SRRM4: variants seen among roughly 807,000 people sequenced by gnomAD.
SRRM4 encodes serine/arginine repetitive matrix 4, also known as serine/arginine repetitive matrix protein 4.
SRRM4 carries 33 observed loss-of-function variants against 68.9 expected under a neutral mutation model. The observed-to-expected ratio is 0.48, with a 90% CI of 0.36 to 0.64. The LOEUF (loss-of-function observed/expected upper bound fraction) is 0.64. Among genes scored for constraint, SRRM4 ranks in the 30% least tolerant of loss-of-function variants. The probability of loss-of-function intolerance (pLI) is 0.00; values close to 1 mark genes in which losing one functional copy is unlikely to be tolerated. For missense variants in SRRM4, 817 were observed against 827.1 expected (o/e 0.99, Z 0.15); for synonymous variants, 318 against 318.8 (o/e 1.00, Z 0.03).
Position 119,159,362 on chromosome 12 carries a change from A to C in SRRM4, c.*2564A>C, listed in dbSNP as rs1306756213. The stretch of plus-strand genomic sequence containing the variant: ...TGGGGGTTGGAGTCGAAAGTTGGCA[A>C]ATGGGGCCAAGGCTGCACAAAGTCG... On this transcript the variant is annotated 3_prime_UTR_variant, in exon 13 of 13. Coordinates refer to ENST00000267260, the MANE Select transcript of SRRM4 (RefSeq NM_194286.4). 6.6e-6 allele frequency: 1 copy of C among 152,434 alleles called. No homozygotes were observed. Among genetic ancestry groups the C allele is most frequent in the Non-Finnish European group, 1.5e-5 (1 of 68,254 alleles). The allele number at this position is 152,434 out of a possible 1,614,324, so 9.4% of individuals were successfully genotyped here. A position where few individuals can be genotyped will look rare whatever the true frequency, so the allele number is the denominator to read the frequency against.
At chr12:119,146,543 A>G in intron 9 of SRRM4, among the ~76,000 whole-genome samples, 1 of 151,748 alleles carries the variant, frequency 6.6e-6, no homozygotes, top group East Asian at 2.0e-4. Flanking sequence ...CTGAGATTGT[A>G]CCATTGCACT....
chr12:119,081,906 G>A (rs1429584570), intron 1 of SRRM4, among the ~76,000 whole-genome samples: 2 of 111,710 alleles, frequency 1.8e-5, no homozygotes, highest in African/African-American at 3.3e-5. Context: ...TGCCATTAAC[G>A]GAGATGATGA....
chr12:119,155,083 G>T (rs920512620), intron 12 of SRRM4, among the ~76,000 whole-genome samples: 14 of 152,286 alleles, frequency 9.2e-5, no homozygotes, highest in African/African-American at 3.1e-4. Flanking sequence ...AAATGAAAAG[G>T]GGCAAAAAGA....
intron 9 of SRRM4, among the ~76,000 whole-genome samples, chr12:119,146,342 T>C (rs1035595988): frequency 6.6e-6 from 1 of 152,056 alleles, no homozygotes; most frequent in African/African-American, 2.4e-5. Context: ...ATCCCAGCAC[T>C]TTGGGAGGCC....
chr12:119,082,674 G>A (rs2136032336), intron 1 of SRRM4, among the ~76,000 whole-genome samples: 1 of 152,286 alleles, frequency 6.6e-6, no homozygotes, highest in Non-Finnish European at 1.5e-5. Context: ...CCTCATCCTG[G>A]AGCCAGCCCC....
At position 119,095,831 on chromosome 12, in the gene SRRM4, G is replaced by A. The variant is rs966037486; in HGVS notation, c.132-6405G>A. ...AGAAATTAGCCAAGCGTGGTGGCAG[G>A]TGCCTGTAATCCCAGCTACTCAGGA... On this transcript the variant is annotated intron_variant, in intron 1 of 12. Coordinates refer to ENST00000267260, the MANE Select transcript of SRRM4 (RefSeq NM_194286.4). Among the ~76,000 whole-genome samples, 5 of 151,330 alleles carry A rather than the reference G, an allele frequency of 3.3e-5. No homozygotes were observed. The South Asian group carries it at 6.3e-4, about 19-fold the overall frequency.
chr12:119,088,180 T>A (rs1255107794), intron 1 of SRRM4, among the ~76,000 whole-genome samples: 1 of 152,146 alleles, frequency 6.6e-6, no homozygotes. Flanking sequence ...TGGGCCCTAC[T>A]GTGCTGCCCC....
intron 1 of SRRM4, among the ~76,000 whole-genome samples, chr12:119,085,285 C>T (rs532617879): frequency 6.6e-5 from 10 of 152,354 alleles, no homozygotes; most frequent in Middle Eastern, 3.4e-3. Flanking sequence ...CACCATTAAT[C>T]CTTGCAATAA....
rs115170943 is a variant in SRRM4 at position 119,095,707 on chromosome 12, C to G, written c.132-6529C>G. On this transcript the variant is annotated intron_variant, in intron 1 of 12. Transcript: ENST00000267260. ...TTGAGATACAGAGCCTCTCCAAACA[C>G]ATAAGACCAGTCCTATCTTACAACG... Among the ~76,000 whole-genome samples, 998 of 152,228 alleles carry G rather than the reference C, an allele frequency of 6.6e-3. 10 individuals are homozygous for G. The highest frequency in any genetic ancestry group is 0.022 in the African/African-American group (928 of 41,550).
intron 1 of SRRM4, among the ~76,000 whole-genome samples, chr12:119,078,785 C>T (rs368697160): frequency 3.3e-5 from 5 of 152,202 alleles, no homozygotes; most frequent in South Asian, 4.2e-4. Flanking sequence ...CAAAATTTAG[C>T]CAAGTGTAGT....
Position 119,153,642 on chromosome 12 carries a change from C to A in SRRM4, c.1384C>A (p.Pro462Thr). 6.4e-7 allele frequency: 1 copy of A among 1,554,176 alleles called. No individual in the cohort carries two copies. Among genetic ancestry groups the A allele is most frequent in the Non-Finnish European group, 8.7e-7 (1 of 1,151,044 alleles). The change falls in exon 11 of 13, where the codon CCC becomes ACC. Residue 462 changes from proline to threonine, a missense_variant. Physicochemically the swap from Pro to Thr is conservative, Grantham distance 38. Transcript: ENST00000267260. ...RRSPSYSRYS[P>T]SRERDPKYSE... is the part of the protein sequence containing the mutation. ...CAGCCCTAGCTACTCCCGCTACAGCCCCAGCAGGTACCGGCCCCGCCCCTC... is the reference window on the plus strand; with the variant it reads ...CAGCCCTAGCTACTCCCGCTACAGCACCAGCAGGTACCGGCCCCGCCCCTC...
intron 1 of SRRM4, among the ~76,000 whole-genome samples, chr12:119,074,947 T>C (rs1314612631): frequency 1.3e-5 from 2 of 152,140 alleles, no homozygotes; most frequent in East Asian, 1.9e-4. Context: ...TGAATTCCTG[T>C]GAGATGGAAG....
intron 12 of SRRM4, among the ~76,000 whole-genome samples, chr12:119,155,993 T>C (rs1204438164): frequency 6.6e-6 from 1 of 152,206 alleles, no homozygotes; most frequent in African/African-American, 2.4e-5. Flanking sequence ...TGTTTCCCAA[T>C]CTTTAGTCAT....
chr12:119,106,153 A>T (rs1325995966), intron 2 of SRRM4, among the ~76,000 whole-genome samples: 2 of 151,906 alleles, frequency 1.3e-5, no homozygotes, highest in South Asian at 2.1e-4. Context: ...GCTCTGTTCT[A>T]TTCCATTGGT....
At chr12:119,063,607 A>G (rs1953827697) in intron 1 of SRRM4, among the ~76,000 whole-genome samples, 1 of 152,214 alleles carries the variant, frequency 6.6e-6, no homozygotes, top group South Asian at 2.1e-4. Flanking sequence ...TTCAAGGGGA[A>G]GAGTAAATGC....
intron 1 of SRRM4, among the ~76,000 whole-genome samples, chr12:119,054,002 A>G (rs547808823): frequency 6.6e-6 from 1 of 152,282 alleles, no homozygotes; most frequent in East Asian, 1.9e-4. Flanking sequence ...TTCTTTACCC[A>G]TAAACCATCC....
At chr12:119,094,680 CT>C (rs1954032693) in intron 1 of SRRM4, among the ~76,000 whole-genome samples, 1 of 152,232 alleles carries the variant, frequency 6.6e-6, no homozygotes, top group African/African-American at 2.4e-5. Flanking sequence ...CCGTGACCAC[CT>C]GCCCACATTC....
intron 8 of SRRM4, among the ~76,000 whole-genome samples, chr12:119,139,507 G>A (rs1954351483): frequency 6.6e-6 from 1 of 152,172 alleles, no homozygotes; most frequent in South Asian, 2.1e-4. Context: ...GATAAACAGA[G>A]CACATCAAGA....
At chr12:119,024,308 T>C (rs1229581693) in intron 1 of SRRM4, among the ~76,000 whole-genome samples, 1 of 152,188 alleles carries the variant, frequency 6.6e-6, no homozygotes, top group African/African-American at 2.4e-5. Context: ...GTCCAGCCTG[T>C]CCTCACCCAA....
Sources: allele counts gnomAD v4.1 joint callset (sites outside exome capture counted in the v4.1 genomes callset), GRCh38; gene constraint gnomAD v4.1.1; transcripts MANE v1.5; gene names NCBI Gene and HGNC (gene_info 2026-07-23, HGNC 2026-07-21).